Variants in ARMH4 observed in about 807,000 individuals in gnomAD.
ARMH4 encodes armadillo like helical domain containing 4.
Under a neutral mutation model 61.9 loss-of-function variants are expected in ARMH4, and 49 were observed. The observed-to-expected ratio is 0.79, with a 90% confidence interval of 0.63 to 1.00. The LOEUF (loss-of-function observed/expected upper bound fraction) is 1.00, where lower values mean the gene tolerates loss of function less well. Ranked by LOEUF, ARMH4 falls within the 50% of genes least tolerant of loss-of-function variation. The probability of loss-of-function intolerance (pLI) is 0.00; values close to 1 mark genes in which losing one functional copy is unlikely to be tolerated. For missense variants in ARMH4, 934 were observed against 930.0 expected (o/e 1.00, Z -0.06); for synonymous variants, 368 against 341.5 (o/e 1.08, Z -0.85).
At chr14:58,062,362 A>G (rs4898955) in intron 5 of ARMH4, among the ~76,000 whole-genome samples, 50,303 of 152,018 alleles carry the variant, frequency 0.33, 8,756 homozygotes, top group Non-Finnish European at 0.38. Flanking sequence ...AAAGAAGAGC[A>G]AAGCTGAGAA....
chr14:58,116,629 T>C, intron 4 of ARMH4: 1 of 162,824 alleles, frequency 6.1e-6, no homozygotes, highest in South Asian at 1.6e-4. Flanking sequence ...TGAGCTATGA[T>C]TGCGCCACTG....
chr14:58,075,565 G>T (rs942786695), intron 5 of ARMH4, among the ~76,000 whole-genome samples: 1 of 141,652 alleles, frequency 7.1e-6, no homozygotes, highest in Admixed American at 7.1e-5. Flanking sequence ...AGAACACACG[G>T]ACACAGGGAG....
chr14:58,028,259 G>A (rs571810085), intron 5 of ARMH4, among the ~76,000 whole-genome samples: 2 of 152,242 alleles, frequency 1.3e-5, no homozygotes, highest in South Asian at 4.2e-4. Flanking sequence ...TTTTCATGGA[G>A]GGTGTTTTAC....
At chr14:58,011,785 G>T (rs1471464812) in intron 6 of ARMH4, among the ~76,000 whole-genome samples, 1 of 127,826 alleles carries the variant, frequency 7.8e-6, no homozygotes, top group Non-Finnish European at 1.7e-5. Flanking sequence ...AAAAAAAACA[G>T]ATGGAATGAG....
chr14:58,142,002 TCATTA>T (rs1887577811), intron 1 of ARMH4, among the ~76,000 whole-genome samples: 1 of 152,194 alleles, frequency 6.6e-6, no homozygotes, highest in Non-Finnish European at 1.5e-5. Flanking sequence ...ACTCACATTC[TCATTA>T]CAACTAAAAC....
chr14:58,038,527 A>G (rs1236794171), intron 5 of ARMH4, among the ~76,000 whole-genome samples: 4 of 128,006 alleles, frequency 3.1e-5, no homozygotes, highest in Non-Finnish European at 5.1e-5. Context: ...CAATGTGCAC[A>G]TGTACCCTAA....
At chr14:58,005,869 C>T (rs1882153254) in intron 6 of ARMH4, among the ~76,000 whole-genome samples, 1 of 152,180 alleles carries the variant, frequency 6.6e-6, no homozygotes, top group African/African-American at 2.4e-5. Flanking sequence ...TGAATGGAAT[C>T]ACCTTCCCAA....
intron 5 of ARMH4, among the ~76,000 whole-genome samples, chr14:58,051,071 T>C (rs1306641661): frequency 6.6e-6 from 1 of 151,284 alleles, no homozygotes; most frequent in Admixed American, 6.6e-5. Context: ...AATGCAACTA[T>C]GGTTGATCAG....
At chr14:58,098,442 T>C (rs1885836572) in intron 4 of ARMH4, among the ~76,000 whole-genome samples, 1 of 152,232 alleles carries the variant, frequency 6.6e-6, no homozygotes, top group East Asian at 1.9e-4. Flanking sequence ...AACAAACAGA[T>C]ACACCAATAG....
chr14:58,128,768 G>C (rs1886986699), intron 4 of ARMH4, among the ~76,000 whole-genome samples: 1 of 152,218 alleles, frequency 6.6e-6, no homozygotes, highest in African/African-American at 2.4e-5. Context: ...TTCAGAAGCA[G>C]ACCCCTGTTA....
At chr14:58,075,274 T>G (rs1326035578) in intron 5 of ARMH4, among the ~76,000 whole-genome samples, 1 of 152,180 alleles carries the variant, frequency 6.6e-6, no homozygotes, top group African/African-American at 2.4e-5. Flanking sequence ...CAAAGGATTA[T>G]AAATCATTCT....
intron 5 of ARMH4, among the ~76,000 whole-genome samples, chr14:58,028,950 T>C (rs1289256405): frequency 6.6e-6 from 1 of 152,186 alleles, no homozygotes; most frequent in East Asian, 1.9e-4. Context: ...TTGACCATTT[T>C]AAAGTGTGCA....
intron 5 of ARMH4, among the ~76,000 whole-genome samples, chr14:58,095,694 C>G (rs1311698641): frequency 2.0e-5 from 3 of 152,112 alleles, no homozygotes; most frequent in African/African-American, 7.2e-5. Flanking sequence ...ACAGGAAATC[C>G]CAGCTACATG....
intron 5 of ARMH4, among the ~76,000 whole-genome samples, chr14:58,059,448 T>G (rs1884459527): frequency 2.6e-5 from 4 of 152,220 alleles, no homozygotes; most frequent in African/African-American, 7.2e-5. Context: ...CTAAATTTCA[T>G]CAGAGTGAGC....
chr14:58,149,613 G>T (rs1887858833), intron 1 of ARMH4, among the ~76,000 whole-genome samples: 1 of 152,190 alleles, frequency 6.6e-6, no homozygotes, highest in Non-Finnish European at 1.5e-5. Context: ...GACAAATGAA[G>T]ATATCCGTGC....
chr14:58,107,623 G>A (rs1011368956), intron 4 of ARMH4, among the ~76,000 whole-genome samples: 2 of 152,034 alleles, frequency 1.3e-5, no homozygotes, highest in Non-Finnish European at 2.9e-5. Flanking sequence ...ATTTAGCCGG[G>A]CGTAGTGGTG....
chr14:58,080,870 G>C (rs970022628), intron 5 of ARMH4, among the ~76,000 whole-genome samples: 2 of 152,156 alleles, frequency 1.3e-5, no homozygotes, highest in African/African-American at 4.8e-5. Context: ...GGGAGGCCGA[G>C]GCGGGCAGAT....
chr14:58,070,684 C>T (rs1048121699), intron 5 of ARMH4, among the ~76,000 whole-genome samples: 2 of 152,196 alleles, frequency 1.3e-5, no homozygotes, highest in African/African-American at 4.8e-5. Context: ...TCCATCCCCT[C>T]AAGCTTTTAT....
intron 3 of ARMH4, among the ~76,000 whole-genome samples, chr14:58,132,767 A>G (rs911529205): frequency 5.3e-5 from 8 of 151,606 alleles, no homozygotes; most frequent in Admixed American, 2.0e-4. Context: ...TTGTATTTTT[A>G]GTAGAGACGG....
Sources: allele counts gnomAD v4.1 joint callset (sites outside exome capture counted in the v4.1 genomes callset), GRCh38; gene constraint gnomAD v4.1.1; transcripts MANE v1.5; gene names NCBI Gene and HGNC (gene_info 2026-07-23, HGNC 2026-07-21).